The following SLC39A11 variants were observed in gnomAD, a reference collection of about 807,000 sequenced individuals.
The protein encoded by SLC39A11 is zinc transporter ZIP11.
In SLC39A11, 33 loss-of-function variants were observed where a neutral mutation model predicts 36.1. The ratio of observed to expected loss-of-function variants is 0.91; its 90% CI spans 0.69 to 1.22. The LOEUF (loss-of-function observed/expected upper bound fraction) is 1.22, where lower values mean the gene tolerates loss of function less well. Ranked by LOEUF, SLC39A11 falls within the 50% of genes most tolerant of loss-of-function variation. SLC39A11 has a pLI of 0.00. For synonymous variants in SLC39A11, 166 were observed against 170.3 expected (o/e 0.97, Z 0.20); for missense variants, 432 against 430.3 (o/e 1.00, Z -0.03).
At chr17:72,920,237 T>C (rs2083576986) in intron 5 of SLC39A11, among the ~76,000 whole-genome samples, 1 of 152,008 alleles carries the variant, frequency 6.6e-6, no homozygotes, top group Admixed American at 6.6e-5. Context: ...TGATCCTCTT[T>C]AAACTGAAGT....
intron 4 of SLC39A11, among the ~76,000 whole-genome samples, chr17:72,954,796 A>G (rs1473592036): frequency 1.3e-5 from 2 of 152,234 alleles, no homozygotes; most frequent in Non-Finnish European, 1.5e-5. Flanking sequence ...GCCCAGGGCC[A>G]GGCTGGCTCC....
chr17:72,948,087 G>GA (rs1213336044), intron 4 of SLC39A11, among the ~76,000 whole-genome samples: 3 of 151,850 alleles, frequency 2.0e-5, no homozygotes, highest in African/African-American at 7.3e-5. Flanking sequence ...TTACAAAAAA[G>GA]AAAAAAACAA....
At chr17:73,042,593 G>A (rs1400418967) in intron 3 of SLC39A11, among the ~76,000 whole-genome samples, 2 of 152,208 alleles carry the variant, frequency 1.3e-5, no homozygotes, top group Non-Finnish European at 2.9e-5. Flanking sequence ...CTGAGGTCAG[G>A]AGTTCGAGAC....
In SLC39A11 at chr17:72,660,226, C is replaced by T. The variant is rs138192349; in HGVS notation, c.672-10958G>A. Among the ~76,000 whole-genome samples, 64 of 152,316 alleles carry T rather than the reference C, an allele frequency of 4.2e-4. No individual in the cohort carries two copies. The East Asian group carries it at 0.012, about 28-fold the overall frequency. On this transcript the variant is annotated intron_variant, in intron 7 of 9. Coordinates refer to ENST00000255559, the MANE Select transcript of SLC39A11 (RefSeq NM_139177.4). ...CTGGAGACCCCACTGCAACCGCCTG[C>T]GGTTGAAACCAGCTCAAGTCTTTCA... is the stretch of plus-strand genomic sequence containing the variant.
chr17:72,734,045 C>G (rs190383365), intron 7 of SLC39A11, among the ~76,000 whole-genome samples: 3 of 152,166 alleles, frequency 2.0e-5, no homozygotes, highest in African/African-American at 4.8e-5. Flanking sequence ...CTCTGCCTGT[C>G]CAGGCTACAG....
At chr17:73,070,649 A>G (rs2060134363) in intron 3 of SLC39A11, among the ~76,000 whole-genome samples, 1 of 152,138 alleles carries the variant, frequency 6.6e-6, no homozygotes, top group African/African-American at 2.4e-5. Context: ...CTTATCTTCA[A>G]TTGTAGCTTC....
intron 4 of SLC39A11, among the ~76,000 whole-genome samples, chr17:73,020,053 C>T (rs1319380535): frequency 6.6e-6 from 1 of 152,204 alleles, no homozygotes; most frequent in Non-Finnish European, 1.5e-5. Flanking sequence ...ACTCCTTCTC[C>T]TTCTATCTAG....
chr17:72,904,274 C>T (rs190518530), intron 5 of SLC39A11, among the ~76,000 whole-genome samples: 170 of 152,092 alleles, frequency 1.1e-3, no homozygotes, highest in African/African-American at 2.7e-3. Flanking sequence ...GACTCTATCT[C>T]TAAAAAAACA....
chr17:72,853,016 T>TTGAC (rs562714619), intron 5 of SLC39A11, among the ~76,000 whole-genome samples: 181 of 152,094 alleles, frequency 1.2e-3, no homozygotes, highest in African/African-American at 4.1e-3. Context: ...TTTTGATTGA[T>TTGAC]TGATTGATTG....
intron 7 of SLC39A11, among the ~76,000 whole-genome samples, chr17:72,732,748 G>C (rs906309986): frequency 1.2e-4 from 19 of 152,304 alleles, no homozygotes; most frequent in Non-Finnish European, 2.1e-4. Flanking sequence ...GGAAGAGTTA[G>C]GGCTTTGTGT....
intron 6 of SLC39A11, among the ~76,000 whole-genome samples, chr17:72,787,952 G>T (rs1298443822): frequency 1.3e-5 from 2 of 152,150 alleles, no homozygotes; most frequent in African/African-American, 4.8e-5. Flanking sequence ...CAGGGTTGAA[G>T]ATTTGCATTT....
At chr17:72,719,401 C>T (rs550860472) in intron 7 of SLC39A11, among the ~76,000 whole-genome samples, 22 of 152,300 alleles carry the variant, frequency 1.4e-4, no homozygotes, top group Non-Finnish European at 2.2e-4. Flanking sequence ...CCCACGAGTG[C>T]GACACAAGCA....
intron 3 of SLC39A11, among the ~76,000 whole-genome samples, chr17:73,081,670 C>CATATATGTATATATGTATGTGT (rs1568242944): frequency 1.2e-5 from 1 of 82,206 alleles, no homozygotes; most frequent in Non-Finnish European, 2.3e-5. Flanking sequence ...CACACACACA[C>CATATATGTATATATGTATGTGT]ATATATATAC....
At chr17:72,910,440 G>A (rs538776900) in intron 5 of SLC39A11, among the ~76,000 whole-genome samples, 13 of 151,790 alleles carry the variant, frequency 8.6e-5, no homozygotes, top group East Asian at 3.9e-4. Context: ...CGTGGCCAAC[G>A]TTGTGAAACC....
At chr17:72,977,882 C>A (rs1568057370) in intron 4 of SLC39A11, among the ~76,000 whole-genome samples, 1 of 152,276 alleles carries the variant, frequency 6.6e-6, no homozygotes, top group East Asian at 1.9e-4. Flanking sequence ...CCTGGGAGAG[C>A]GAAGGTGCCC....
chr17:73,050,492 T>G (rs111272697), intron 3 of SLC39A11, among the ~76,000 whole-genome samples: 5 of 149,270 alleles, frequency 3.3e-5, no homozygotes, highest in Non-Finnish European at 7.4e-5. Flanking sequence ...GAGACACAGT[T>G]TCACTCTGTC....
At chr17:72,916,410 G>A (rs1387533230) in intron 5 of SLC39A11, among the ~76,000 whole-genome samples, 1 of 149,460 alleles carries the variant, frequency 6.7e-6, no homozygotes, top group African/African-American at 2.4e-5. Context: ...AGTCCTCAGG[G>A]CCAGTCCCAG....
At chr17:72,804,703 C>A (rs542824509) in intron 6 of SLC39A11, among the ~76,000 whole-genome samples, 1 of 152,302 alleles carries the variant, frequency 6.6e-6, no homozygotes, top group East Asian at 1.9e-4. Flanking sequence ...GTTTCTTGAT[C>A]TGTAAAGTGG....
intron 6 of SLC39A11, among the ~76,000 whole-genome samples, chr17:72,797,448 G>A (rs759486802): frequency 6.6e-6 from 1 of 152,024 alleles, no homozygotes; most frequent in African/African-American, 2.4e-5. Context: ...CCATGAAGAT[G>A]ATCAGGCAAG....
Sources: gnomAD v4.1 joint callset for allele counts (sites outside exome capture counted in the v4.1 genomes callset) on GRCh38, gnomAD v4.1.1 for gene constraint, MANE v1.5 for transcripts, NCBI Gene and HGNC (gene_info 2026-07-23, HGNC 2026-07-21) for gene names.